The following SH3BP5 variants were observed in gnomAD, a reference collection of about 807,000 sequenced individuals.
The protein encoded by SH3BP5 is SH3 domain-binding protein 5.
In SH3BP5, 22 loss-of-function variants were observed where a neutral mutation model predicts 43.3. The ratio of observed to expected loss-of-function variants is 0.51; its 90% CI spans 0.36 to 0.73. SH3BP5 has a LOEUF of 0.73. Among genes scored for constraint, SH3BP5 ranks in the 30% least tolerant of loss-of-function variants. The probability of loss-of-function intolerance (pLI) is 0.00; values close to 1 mark genes in which losing one functional copy is unlikely to be tolerated. For missense variants in SH3BP5, 529 were observed against 586.9 expected, an observed-to-expected ratio of 0.90 and a Z score of 1.02; for synonymous variants, 255 against 225.8, an observed-to-expected ratio of 1.13 and a Z score of -1.16.
chr3:15,269,657 A>G (rs897095132), intron 4 of SH3BP5, 56 bp downstream of exon 4: 3 of 1,479,198 alleles, frequency 2.0e-6, no homozygotes, highest in Non-Finnish European at 2.7e-6. Context: ...CGCTCAGGGG[A>G]AGCCAGCGCG....
Position 15,294,353 on chromosome 3 carries a change from C to T in SH3BP5, c.330+9750G>A, listed in dbSNP as rs56010610. Among the ~76,000 whole-genome samples the T allele has an allele frequency of 5.6e-3, 842 of 151,460 alleles. 3 individuals carry two copies. The highest frequency in any genetic ancestry group is 0.021 in the Middle Eastern group (6 of 292). ...TGTGCGCGCGCATGTTTACGTAACT[C>T]CCCCTCATGCATGTAAAACACTTAG... On this transcript the variant is annotated intron_variant, in intron 3 of 8. Transcript: ENST00000383791.
chr3:15,273,667 G>GC (rs1696880330), intron 3 of SH3BP5, among the ~76,000 whole-genome samples: 1 of 152,174 alleles, frequency 6.6e-6, no homozygotes, highest in Non-Finnish European at 1.5e-5. Context: ...CACCTGTCAT[G>GC]CCCCACTGTC....
chr3:15,259,345 T>C (rs1197985454), intron 6 of SH3BP5: 2 of 537,856 alleles, frequency 3.7e-6, no homozygotes, highest in African/African-American at 3.8e-5. Flanking sequence ...AGTCCCACAG[T>C]CTAGACATCT....
intron 1 of SH3BP5, among the ~76,000 whole-genome samples, chr3:15,338,037 AT>A (rs1262516464): frequency 1.9e-3 from 283 of 147,118 alleles, no homozygotes; most frequent in African/African-American, 5.1e-3. Context: ...TGCAATGCCA[AT>A]TTTTTTTTTT....
chr3:15,287,715 G>C (rs1023346637), intron 3 of SH3BP5, among the ~76,000 whole-genome samples: 1 of 152,178 alleles, frequency 6.6e-6, no homozygotes, highest in Non-Finnish European at 1.5e-5. Context: ...GCAAAGACTG[G>C]ATTACGCAAT....
intron 8 of SH3BP5, 84 bp downstream of exon 8, chr3:15,256,769 C>T (rs943005193): frequency 2.1e-6 from 3 of 1,451,146 alleles, no homozygotes; most frequent in East Asian, 2.4e-5. Context: ...GGCCCTGAGA[C>T]CTGGCAGAGG....
At chr3:15,288,688 CG>C (rs952107650) in intron 3 of SH3BP5, among the ~76,000 whole-genome samples, 9 of 152,050 alleles carry the variant, frequency 5.9e-5, no homozygotes, top group Admixed American at 1.3e-4. Context: ...TGCAGTGAGC[CG>C]GGATTGCACC....
intron 2 of SH3BP5, among the ~76,000 whole-genome samples, chr3:15,305,474 G>T (rs1697877524): frequency 6.6e-6 from 1 of 152,094 alleles, no homozygotes; most frequent in Non-Finnish European, 1.5e-5. Flanking sequence ...ATTACAGCCC[G>T]TTCCAGAAAA....
At chr3:15,296,301 TC>T (rs1697567152) in intron 3 of SH3BP5, among the ~76,000 whole-genome samples, 1 of 150,904 alleles carries the variant, frequency 6.6e-6, no homozygotes, top group African/African-American at 2.5e-5. Context: ...GCTATAATCC[TC>T]CCACAGTCTC....
chr3:15,306,906 C>G (rs1200493487), intron 2 of SH3BP5, among the ~76,000 whole-genome samples: 2 of 152,064 alleles, frequency 1.3e-5, no homozygotes, highest in African/African-American at 2.4e-5. Flanking sequence ...CTCCTGGCCT[C>G]AAGTAATCTA....
At chr3:15,330,366 T>C (rs1698578839) in intron 2 of SH3BP5, 138 bp downstream of exon 2, 5 of 721,100 alleles carry the variant, frequency 6.9e-6, no homozygotes, top group Admixed American at 2.1e-5. Context: ...TGTATTTTAT[T>C]CTGTCAGGGA....
At chr3:15,322,648 G>A (rs1198602629) in intron 2 of SH3BP5, among the ~76,000 whole-genome samples, 1 of 151,900 alleles carries the variant, frequency 6.6e-6, no homozygotes, top group African/African-American at 2.4e-5. Flanking sequence ...GACCAGCCTG[G>A]GCAACAAGGA....
chr3:15,293,708 T>C (rs1191395374), intron 3 of SH3BP5, among the ~76,000 whole-genome samples: 2 of 152,168 alleles, frequency 1.3e-5, no homozygotes, highest in Admixed American at 6.5e-5. Context: ...AAACCTTCAC[T>C]CCTGTCCTCG....
intron 3 of SH3BP5, among the ~76,000 whole-genome samples, chr3:15,274,124 T>C (rs570658463): frequency 3.0e-4 from 46 of 152,116 alleles, no homozygotes; most frequent in African/African-American, 1.1e-3. Context: ...CAGAAGTCTA[T>C]AGTCCCAGCT....
At position 15,278,222 on chromosome 3, in the gene SH3BP5, C is replaced by T. The variant is rs541760411; in HGVS notation, c.331-8345G>A. 1.2e-4 allele frequency among the ~76,000 whole-genome samples: 19 copies of T among 152,340 alleles called. No individual in the cohort carries two copies. In the East Asian group the frequency reaches 2.7e-3, roughly 22 times the overall value. On this transcript the variant is annotated intron_variant, in intron 3 of 8. Transcript: ENST00000383791. ...GCACTGCTGGAAAGAACCCCTCCCC[C>T]GGCTAGAAGCTCATGAAGAAAAGCA...
intron 2 of SH3BP5, among the ~76,000 whole-genome samples, chr3:15,322,980 A>C (rs561259952): frequency 6.6e-6 from 1 of 152,158 alleles, no homozygotes; most frequent in East Asian, 1.9e-4. Flanking sequence ...CTCTACCAAA[A>C]ACACAAAAAT....
At position 15,310,968 on chromosome 3, in the gene SH3BP5, CAG is replaced by C. The variant is rs1347271624; in HGVS notation, c.202-6739_202-6738del. Among the ~76,000 whole-genome samples, 435 of 152,182 alleles carry C rather than the reference CAG, an allele frequency of 2.9e-3. 3 individuals are homozygous for C. The highest frequency in any genetic ancestry group is 0.01 in the African/African-American group (419 of 41,514). ...TGAACATGAAGCACACAGGATGAGT[CAG>C]TGTTTTCTGGCCAATCGCTCACCTG... is the stretch of plus-strand genomic sequence containing the variant. On this transcript the variant is annotated intron_variant, in intron 2 of 8. Transcript: ENST00000383791.
intron 3 of SH3BP5, among the ~76,000 whole-genome samples, chr3:15,270,736 G>C (rs1421681648): frequency 1.3e-5 from 2 of 152,034 alleles, no homozygotes; most frequent in African/African-American, 2.4e-5. Context: ...GACCAGCCTG[G>C]TCAACATGGT....
intron 2 of SH3BP5, among the ~76,000 whole-genome samples, chr3:15,316,464 C>T (rs992389423): frequency 1.3e-5 from 2 of 151,998 alleles, no homozygotes; most frequent in African/African-American, 4.8e-5. Flanking sequence ...ACCTCGTGAT[C>T]CGCTGGCCTC....
Sources: gnomAD v4.1 joint callset for allele counts (sites outside exome capture counted in the v4.1 genomes callset) on GRCh38, gnomAD v4.1.1 for gene constraint, MANE v1.5 for transcripts, NCBI Gene and HGNC (gene_info 2026-07-23, HGNC 2026-07-21) for gene names.